The following RADX variants were observed in gnomAD, a reference collection of about 807,000 sequenced individuals.
RADX encodes the protein RPA-related protein RADX.
A neutral mutation model predicts 61.6 loss-of-function variants in RADX; 36 were observed. The ratio of observed to expected loss-of-function variants is 0.58; its 90% CI spans 0.45 to 0.77. The LOEUF (loss-of-function observed/expected upper bound fraction) is 0.77, where lower values mean the gene tolerates loss of function less well. RADX is among the 30% of genes least tolerant of loss of function. RADX has a pLI of 0.00. For missense variants in RADX, 497 were observed against 651.1 expected, an observed-to-expected ratio of 0.76 and a Z score of 2.58; for synonymous variants, 272 against 237.9, an observed-to-expected ratio of 1.14 and a Z score of -1.32.
At chrX:106,629,184 G>T (rs911316528) in intron 3 of RADX, among the ~76,000 whole-genome samples, 3 of 111,466 alleles carry the variant, frequency 2.7e-5, no homozygotes, top group African/African-American at 9.8e-5. Flanking sequence ...AAGAATTTTT[G>T]ATTTTGGCGG....
intron 10 of RADX, among the ~76,000 whole-genome samples, chrX:106,642,875 G>A (rs1274439477): frequency 9.0e-6 from 1 of 111,547 alleles, no homozygotes; most frequent in Non-Finnish European, 1.9e-5. Flanking sequence ...CACCAACAAC[G>A]TACAGAGTTC....
Position 106,669,309 on chromosome X carries a change from C to T in RADX, c.2416C>T (p.Pro806Ser). ...GGACACAACTGGAAATGACCGATTG[C>T]CAGGTCCAAGAGCGGTTGCAGGTAA... ...PQDTTGNDRL[P>S]GPRAVAGDII... is the part of the protein sequence containing the mutation. Residue 806 changes from proline (P) to serine (S), a missense_variant, in exon 13 of 14, where the codon CCA becomes TCA. Physicochemically the swap from Pro to Ser is moderately conservative, Grantham distance 74 (BLOSUM62 -1). This residue lies in a region of RADX where 267 missense variants were observed against 306.9 expected (regional missense o/e 0.87). Coordinates refer to ENST00000372548, the MANE Select transcript of RADX (RefSeq NM_018015.6). The T allele has an allele frequency of 8.3e-7, 1 of 1,201,102 alleles. No individual in the cohort carries two copies. The highest frequency in any genetic ancestry group is 1.8e-5 in the South Asian group (1 of 55,071).
intron 10 of RADX, among the ~76,000 whole-genome samples, chrX:106,646,454 G>A (rs763716327): frequency 6.3e-5 from 7 of 111,413 alleles, no homozygotes; most frequent in Non-Finnish European, 9.5e-5. Flanking sequence ...ATAAAGATGA[G>A]TTAATACTTT....
intron 11 of RADX, among the ~76,000 whole-genome samples, chrX:106,654,664 T>C (rs1173942903): frequency 9.0e-6 from 1 of 111,567 alleles, no homozygotes; most frequent in African/African-American, 3.3e-5. Flanking sequence ...GAAAAAAACC[T>C]AGGCAATATC....
intron 11 of RADX, among the ~76,000 whole-genome samples, chrX:106,655,569 C>A (rs1037124409): frequency 9.1e-6 from 1 of 109,356 alleles, no homozygotes; most frequent in Non-Finnish European, 1.9e-5. Context: ...TCAATTCCCA[C>A]CTATGAGTGA....
At chrX:106,617,020 G>GTTTTT (rs60413185) in intron 1 of RADX, among the ~76,000 whole-genome samples, 116 of 54,520 alleles carry the variant, frequency 2.1e-3, no homozygotes, top group Non-Finnish European at 2.8e-3. Flanking sequence ...GTGTGTGTGG[G>GTTTTT]TTTTTTTTTT....
chrX:106,628,366 T>C (rs1192473269), intron 3 of RADX, among the ~76,000 whole-genome samples: 1 of 111,655 alleles, frequency 9.0e-6, no homozygotes, highest in Non-Finnish European at 1.9e-5. Flanking sequence ...AAAAATGTAA[T>C]TGAAGAAAGA....
intron 10 of RADX, 35 bp downstream of exon 10, chrX:106,640,756 T>C (rs200098795): frequency 1.3e-4 from 129 of 1,006,587 alleles, no homozygotes; most frequent in Non-Finnish European, 1.1e-4. Context: ...GTAAAGTATA[T>C]TTTTTCTTTT....
chrX:106,644,325 G>A (rs966862782), intron 10 of RADX, among the ~76,000 whole-genome samples: 1 of 111,182 alleles, frequency 9.0e-6, no homozygotes, highest in Non-Finnish European at 1.9e-5. Flanking sequence ...TAACAGGGGT[G>A]AAAGTGTGCA....
chrX:106,650,617 A>G, intron 11 of RADX, among the ~76,000 whole-genome samples: 1 of 111,289 alleles, frequency 9.0e-6, no homozygotes, highest in Non-Finnish European at 1.9e-5. Flanking sequence ...GTGTCTCACT[A>G]TGTTTCCCAG....
intron 8 of RADX, 122 bp downstream of exon 8, chrX:106,638,046 T>C: frequency 1.9e-6 from 1 of 540,508 alleles, no homozygotes. Flanking sequence ...TTAGCAACAT[T>C]CACCGATAAT....
intron 10 of RADX, among the ~76,000 whole-genome samples, chrX:106,646,701 C>G (rs907038920): frequency 9.1e-6 from 1 of 110,369 alleles, no homozygotes; most frequent in Non-Finnish European, 1.9e-5. Context: ...TTGTTCCAGG[C>G]AGAAAGAAAA....
Position 106,669,286 on chromosome X carries a change from A to G in RADX, c.2393A>G (p.Asp798Gly), listed in dbSNP as rs200280161. Residue 798 changes from aspartate (D) to glycine (G), a missense_variant, in exon 13 of 14, where the codon GAC becomes GGC. By Grantham distance (94) the Asp-to-Gly change is moderately conservative. Transcript: ENST00000372548. ...AATTACAGCTGTGCATATCCACAGGACACAACTGGAAATGACCGATTGCCA... is the reference window on the plus strand; with the variant it reads ...AATTACAGCTGTGCATATCCACAGGGCACAACTGGAAATGACCGATTGCCA... ...SMNYSCAYPQ[D>G]TTGNDRLPGP... The G allele has an allele frequency of 4.1e-5, 49 of 1,203,693 alleles. No individual in the cohort carries two copies. Among genetic ancestry groups the G allele is most frequent in the Non-Finnish European group, 3.9e-5 (35 of 890,640 alleles).
At chrX:106,612,817 G>C in intron 1 of RADX, 94 bp downstream of exon 1, 2 of 925,619 alleles carry the variant, frequency 2.2e-6, no homozygotes, top group Non-Finnish European at 3.0e-6. Context: ...CTTTTGTATT[G>C]TTAATTACAA....
intron 11 of RADX, among the ~76,000 whole-genome samples, chrX:106,661,038 T>G (rs1162018192): frequency 9.0e-6 from 1 of 111,044 alleles, no homozygotes; most frequent in Non-Finnish European, 1.9e-5. Context: ...AACTATCTCA[T>G]TTTCATGAGA....
chrX:106,617,044 T>TGA (rs1926825073), intron 1 of RADX, among the ~76,000 whole-genome samples: 2 of 93,704 alleles, frequency 2.1e-5, no homozygotes, highest in Admixed American at 1.1e-4. Flanking sequence ...TTTTTTTTTT[T>TGA]GACAGAGTCT....
At chrX:106,672,341 T>C (rs1928385743) in intron 13 of RADX, among the ~76,000 whole-genome samples, 1 of 111,845 alleles carries the variant, frequency 8.9e-6, no homozygotes, top group African/African-American at 3.3e-5. Context: ...TTCCACTTTC[T>C]GTCTCTAGAA....
chrX:106,618,550 G>A (rs189115824), intron 1 of RADX, among the ~76,000 whole-genome samples: 1 of 110,936 alleles, frequency 9.0e-6, no homozygotes, highest in Non-Finnish European at 1.9e-5. Context: ...CACGGCGAGC[G>A]GATTGCTTGA....
rs35694143 is a variant in RADX, at chrX:106,652,983, C to CAA, written c.1978+4614_1978+4615dup. 3.7e-3 allele frequency among the ~76,000 whole-genome samples: 205 copies of CAA among 55,014 alleles called. 1 individual carries two copies. The highest frequency in any genetic ancestry group is 0.012 in the Middle Eastern group (1 of 85). The allele number at this position is 55,014 out of a possible 115,157, so 47.8% of individuals were successfully genotyped here. On this transcript the variant is annotated intron_variant, in intron 11 of 13. Coordinates refer to ENST00000372548, the MANE Select transcript of RADX (RefSeq NM_018015.6). Reference sequence around the variant, plus strand: ...CCTGGGTGACAGAGTGAGATTCTGTCAAAAAAAAAAAAAAAAAACCTGTAA... The same window carrying CAA: ...CCTGGGTGACAGAGTGAGATTCTGTCAAAAAAAAAAAAAAAAAAAACCTGTAA...
Sources: allele counts gnomAD v4.1 joint callset (sites outside exome capture counted in the v4.1 genomes callset), GRCh38; gene constraint gnomAD v4.1.1; regional missense constraint gnomAD v4.1.1; transcripts MANE v1.5; gene names NCBI Gene and HGNC (gene_info 2026-07-23, HGNC 2026-07-21).